N4BP2L2: variants seen among roughly 807,000 people sequenced by gnomAD.
N4BP2L2 encodes NEDD4 binding protein 2 like 2.
In N4BP2L2, 50 loss-of-function variants were observed where a neutral mutation model predicts 56.2. The ratio of observed to expected loss-of-function variants is 0.89; its 90% CI spans 0.71 to 1.13. The LOEUF (loss-of-function observed/expected upper bound fraction) is 1.13. N4BP2L2 is among the 50% of genes most tolerant of loss of function. The pLI, the probability that N4BP2L2 is intolerant of heterozygous loss-of-function variation, is 0.00. For synonymous variants in N4BP2L2, 203 were observed against 223.6 expected (o/e 0.91, Z 0.82); for missense variants, 689 against 693.8 (o/e 0.99, Z 0.08).
At chr13:32,484,635 C>A (rs1376359754) in intron 6 of N4BP2L2, among the ~76,000 whole-genome samples, 1 of 152,062 alleles carries the variant, frequency 6.6e-6, no homozygotes, top group African/African-American at 2.4e-5. Flanking sequence ...TGGCACAGCG[C>A]CACCACGCCC....
In N4BP2L2 at chr13:32,522,059, C is replaced by G. The variant is rs2051119543; in HGVS notation, c.1473+123G>C. 6.0e-6 allele frequency: 4 copies of G among 664,308 alleles called. No individual in the cohort carries two copies. In the South Asian group the frequency reaches 7.4e-5, roughly 12 times the overall value. 41.2% of individuals were successfully genotyped at this position (664,308 alleles called of 1,614,324 possible). On this transcript the variant is annotated intron_variant, in intron 4 of 5. Transcript: ENST00000267068. ...TTTTTTTAAAAACTAAGCAAACCAA[C>G]AAACCTCTTTAGAAAACAAAGGACA...
chr13:32,533,590 T>C (rs1372181731), intron 2 of N4BP2L2, among the ~76,000 whole-genome samples: 1 of 148,004 alleles, frequency 6.8e-6, no homozygotes, highest in African/African-American at 2.5e-5. Flanking sequence ...GGCACGATCA[T>C]GGCTCACTGT....
chr13:32,496,619 T>A (rs1403723695), intron 6 of N4BP2L2, among the ~76,000 whole-genome samples: 1 of 152,160 alleles, frequency 6.6e-6, no homozygotes, highest in African/African-American at 2.4e-5. Context: ...AACCTGGAAA[T>A]CATGCTGACT....
At chr13:32,433,646 G>C (rs1042238450) in intron 9 of N4BP2L2, among the ~76,000 whole-genome samples, 3 of 150,750 alleles carry the variant, frequency 2.0e-5, no homozygotes, top group Non-Finnish European at 4.4e-5. Flanking sequence ...AATAAAAAAG[G>C]CTGGGCACGG....
intron 6 of N4BP2L2, among the ~76,000 whole-genome samples, chr13:32,447,608 G>T (rs181200659): frequency 6.6e-6 from 1 of 152,170 alleles, no homozygotes; most frequent in Admixed American, 6.5e-5. Flanking sequence ...TATGGGTTTG[G>T]AGAGAGGGTT....
At chr13:32,532,741 C>T (rs2055262718) in intron 2 of N4BP2L2, among the ~76,000 whole-genome samples, 1 of 151,744 alleles carries the variant, frequency 6.6e-6, no homozygotes, top group Non-Finnish European at 1.5e-5. Flanking sequence ...CAGGCACATG[C>T]CACCACGCCC....
intron 6 of N4BP2L2, chr13:32,490,223 G>C (rs1463136232): frequency 6.6e-6 from 1 of 152,214 alleles, no homozygotes; most frequent in African/African-American, 2.4e-5. Flanking sequence ...ACATAGGACA[G>C]TGCCTGTGAC....
chr13:32,434,502 T>C (rs1478941331), intron 9 of N4BP2L2, among the ~76,000 whole-genome samples: 1 of 152,084 alleles, frequency 6.6e-6, no homozygotes, highest in Middle Eastern at 3.2e-3. Flanking sequence ...GGGTCCTCTG[T>C]TTAGGGTCAC....
At chr13:32,461,476 T>C (rs924267237) in intron 6 of N4BP2L2, among the ~76,000 whole-genome samples, 1 of 152,110 alleles carries the variant, frequency 6.6e-6, no homozygotes, top group Non-Finnish European at 1.5e-5. Context: ...AGGATCTAAA[T>C]AGACATTTCT....
intron 6 of N4BP2L2, chr13:32,480,499 C>G (rs916441478): frequency 1.6e-5 from 11 of 685,640 alleles, no homozygotes; most frequent in Non-Finnish European, 2.2e-5. Flanking sequence ...AAAGTCTCTT[C>G]AACAATAAAG....
intron 2 of N4BP2L2, among the ~76,000 whole-genome samples, chr13:32,532,417 GT>G (rs1417430059): frequency 6.6e-6 from 1 of 151,884 alleles, no homozygotes; most frequent in Non-Finnish European, 1.5e-5. Flanking sequence ...CCATCTAGAA[GT>G]TATTTTTGTG....
chr13:32,499,787 G>C (rs1381988304), intron 6 of N4BP2L2, among the ~76,000 whole-genome samples: 1 of 152,114 alleles, frequency 6.6e-6, no homozygotes, highest in Non-Finnish European at 1.5e-5. Flanking sequence ...GTTCAGGGCT[G>C]GGAAGGCAGG....
At chr13:32,502,143 A>C (rs976207414) in intron 6 of N4BP2L2, among the ~76,000 whole-genome samples, 1 of 149,146 alleles carries the variant, frequency 6.7e-6, no homozygotes, top group Non-Finnish European at 1.5e-5. Flanking sequence ...GGCTCACTGC[A>C]ACCTCTGCCC....
At chr13:32,459,780 G>A (rs1311008317) in intron 6 of N4BP2L2, among the ~76,000 whole-genome samples, 1 of 152,044 alleles carries the variant, frequency 6.6e-6, no homozygotes, top group African/African-American at 2.4e-5. Context: ...AAATGAAGAG[G>A]AGGGAATTGT....
At chr13:32,461,948 C>T (rs1406919350) in intron 6 of N4BP2L2, among the ~76,000 whole-genome samples, 1 of 152,102 alleles carries the variant, frequency 6.6e-6, no homozygotes, top group African/African-American at 2.4e-5. Flanking sequence ...GTAACAGATG[C>T]TGGGGAGGAT....
At chr13:32,474,767 A>G (rs1028588457) in intron 6 of N4BP2L2, among the ~76,000 whole-genome samples, 2 of 152,206 alleles carry the variant, frequency 1.3e-5, no homozygotes, top group African/African-American at 4.8e-5. Flanking sequence ...TGTTATATTT[A>G]CTTTGATTTA....
chr13:32,456,555 A>T (rs2079017109), intron 6 of N4BP2L2, among the ~76,000 whole-genome samples: 1 of 152,244 alleles, frequency 6.6e-6, no homozygotes, highest in South Asian at 2.1e-4. Flanking sequence ...GGAATTCCAG[A>T]AAAAGAACTC....
At chr13:32,453,327 C>G (rs1332558076) in intron 6 of N4BP2L2, among the ~76,000 whole-genome samples, 1 of 152,070 alleles carries the variant, frequency 6.6e-6, no homozygotes, top group Non-Finnish European at 1.5e-5. Flanking sequence ...AAAGCTCATC[C>G]CTTCACAACA....
intron 6 of N4BP2L2, among the ~76,000 whole-genome samples, chr13:32,495,451 T>C (rs1289055773): frequency 2.0e-5 from 3 of 152,182 alleles, no homozygotes; most frequent in Non-Finnish European, 4.4e-5. Context: ...TTGTACCTTC[T>C]GGACAATGCC....
Sources: gnomAD v4.1 joint callset for allele counts (sites outside exome capture counted in the v4.1 genomes callset) on GRCh38, gnomAD v4.1.1 for gene constraint, MANE v1.5 for transcripts, NCBI Gene and HGNC (gene_info 2026-07-23, HGNC 2026-07-21) for gene names.